Variants in POLN observed in about 807,000 individuals in gnomAD.
The protein encoded by POLN is DNA polymerase N.
POLN carries 108 observed loss-of-function variants against 113.5 expected under a neutral mutation model. That is an observed-to-expected ratio of 0.95 (90% CI 0.81 to 1.12). The LOEUF is 1.12. Ranked by LOEUF, POLN falls within the 50% of genes most tolerant of loss-of-function variation. The probability of loss-of-function intolerance (pLI) is 0.00; values close to 1 mark genes in which losing one functional copy is unlikely to be tolerated. For synonymous variants in POLN, 386 were observed against 391.5 expected (o/e 0.99, Z 0.17); for missense variants, 1,097 against 1,077.1 (o/e 1.02, Z -0.26).
intron 3 of POLN, 44 bp downstream of exon 3, chr4:2,229,055 A>C (rs1734484375): frequency 2.6e-6 from 4 of 1,528,410 alleles, no homozygotes; most frequent in Non-Finnish European, 3.6e-6. Context: ...AACAATTAAC[A>C]TTCAAAGTAT....
intron 2 of POLN, among the ~76,000 whole-genome samples, chr4:2,239,346 A>T (rs896803316): frequency 6.6e-6 from 1 of 152,182 alleles, no homozygotes. Flanking sequence ...CACTGAATCC[A>T]AGTATATGTT....
At chr4:2,095,978 G>A (rs1159714452) in intron 19 of POLN, 45 bp from the exon 20 acceptor site, 2 of 1,525,894 alleles carry the variant, frequency 1.3e-6, no homozygotes, top group Non-Finnish European at 1.8e-6. Flanking sequence ...AGAAGGCACT[G>A]TCAGTGCAGG....
At chr4:2,207,710 TAAAA>T (rs1210523984) in intron 5 of POLN, among the ~76,000 whole-genome samples, 1 of 152,056 alleles carries the variant, frequency 6.6e-6, no homozygotes, top group Non-Finnish European at 1.5e-5. Context: ...CTGGAATGGC[TAAAA>T]AAACAGACAA....
chr4:2,182,279 A>G (rs534838733), intron 7 of POLN, among the ~76,000 whole-genome samples: 16 of 152,250 alleles, frequency 1.1e-4, no homozygotes, highest in Non-Finnish European at 1.6e-4. Context: ...CAATTATGGT[A>G]GGAATCTTGA....
At chr4:2,143,856 A>C (rs974461032) in intron 16 of POLN, among the ~76,000 whole-genome samples, 1 of 152,162 alleles carries the variant, frequency 6.6e-6, no homozygotes, top group Non-Finnish European at 1.5e-5. Flanking sequence ...TCCCAGAAAA[A>C]TAAAGACAAG....
chr4:2,088,596 A>T, intron 20 of POLN: 1 of 600,204 alleles, frequency 1.7e-6, no homozygotes. Context: ...TAATCAACTG[A>T]TCTACAACAA....
At chr4:2,166,272 G>A (rs1378245061) in intron 13 of POLN, among the ~76,000 whole-genome samples, 1 of 152,182 alleles carries the variant, frequency 6.6e-6, no homozygotes, top group East Asian at 1.9e-4. Flanking sequence ...CCCCTGAGCA[G>A]CCTGAGCCTT....
At chr4:2,096,686 A>AAGAGAGAGAGAGAGAGAGAG (rs750844060) in intron 19 of POLN, among the ~76,000 whole-genome samples, 60 of 129,992 alleles carry the variant, frequency 4.6e-4, no homozygotes, top group African/African-American at 1.7e-3. Flanking sequence ...AGCCGAGAGA[A>AAGAGAGAGAGAGAGAGAGAG]AGAGAGAGAG....
At chr4:2,104,677 C>G (rs1731008065) in intron 19 of POLN, among the ~76,000 whole-genome samples, 1 of 152,184 alleles carries the variant, frequency 6.6e-6, no homozygotes, top group African/African-American at 2.4e-5. Flanking sequence ...GTCTCTGCAC[C>G]CAGCAGAGAG....
At position 2,093,372 on chromosome 4, in the gene POLN, C is replaced by T. The variant is rs1029256207; in HGVS notation, c.2065+2479G>A. 1.3e-5 allele frequency among the ~76,000 whole-genome samples: 2 copies of T among 152,212 alleles called. No individual in the cohort carries two copies. Among genetic ancestry groups the T allele is most frequent in the African/African-American group, 4.8e-5 (2 of 41,456 alleles). Reference sequence around the variant, plus strand: ...GCACAGAAGTGAAGTAGGACTCAGACGTAACGGCAGATGACAGAGATGAGA... The same window carrying T: ...GCACAGAAGTGAAGTAGGACTCAGATGTAACGGCAGATGACAGAGATGAGA... On this transcript the variant is annotated intron_variant, in intron 20 of 25. Transcript: ENST00000511885. The surrounding 1 kb of genome is among the most constrained non-coding windows in gnomAD (Gnocchi z 4.1).
intron 5 of POLN, among the ~76,000 whole-genome samples, chr4:2,206,753 T>C (rs1386318794): frequency 2.0e-5 from 3 of 152,212 alleles, no homozygotes; most frequent in African/African-American, 7.2e-5. Flanking sequence ...AAATAATAGA[T>C]ATTGGCATGG....
chr4:2,122,884 A>G, intron 19 of POLN, among the ~76,000 whole-genome samples: 1 of 152,134 alleles, frequency 6.6e-6, no homozygotes, highest in Middle Eastern at 3.2e-3. Flanking sequence ...CAGGGGCGGT[A>G]GCTCACACCT....
chr4:2,092,938 A>C (rs752954911), intron 20 of POLN, among the ~76,000 whole-genome samples: 2 of 152,250 alleles, frequency 1.3e-5, no homozygotes, highest in Non-Finnish European at 2.9e-5. Context: ...CAGTAATTCC[A>C]GCTGTCAAGC....
At chr4:2,174,644 A>G (rs1418116575) in intron 10 of POLN, 47 bp downstream of exon 10, 14 of 1,456,634 alleles carry the variant, frequency 9.6e-6, no homozygotes, top group Non-Finnish European at 1.3e-5. Context: ...AACAATATGA[A>G]GAACCCTCTA....
intron 3 of POLN, among the ~76,000 whole-genome samples, chr4:2,223,070 G>C (rs1479528335): frequency 1.3e-5 from 2 of 152,198 alleles, no homozygotes; most frequent in African/African-American, 2.4e-5. Context: ...GAAGAATGGA[G>C]CCTGGGGAAG....
intron 19 of POLN, among the ~76,000 whole-genome samples, chr4:2,108,989 G>A (rs1164392884): frequency 2.0e-5 from 3 of 152,024 alleles, no homozygotes; most frequent in East Asian, 3.9e-4. Context: ...TGCTCTGCCC[G>A]CTAAGCAGAG....
chr4:2,094,107 G>A (rs1577687472), intron 20 of POLN, among the ~76,000 whole-genome samples: 1 of 152,134 alleles, frequency 6.6e-6, no homozygotes, highest in South Asian at 2.1e-4. Flanking sequence ...AGCACTTTGG[G>A]AGGCCAAGAT....
At chr4:2,197,868 G>T (rs1019946099) in intron 6 of POLN, among the ~76,000 whole-genome samples, 2 of 152,162 alleles carry the variant, frequency 1.3e-5, no homozygotes, top group Admixed American at 1.3e-4. Flanking sequence ...TAAATCAGAG[G>T]GCTGGGAAGG....
chr4:2,166,713 T>C (rs1480282361), intron 13 of POLN, among the ~76,000 whole-genome samples: 1 of 152,120 alleles, frequency 6.6e-6, no homozygotes, highest in African/African-American at 2.4e-5. Context: ...GACACCAGAA[T>C]TCCAGACTCT....
Sources: gnomAD v4.1 joint callset for allele counts (sites outside exome capture counted in the v4.1 genomes callset) on GRCh38, gnomAD v4.1.1 for gene constraint, Gnocchi (gnomAD v3.1) non-coding constraint, MANE v1.5 for transcripts, NCBI Gene and HGNC (gene_info 2026-07-23, HGNC 2026-07-21) for gene names.